The following DPH6 variants were observed in gnomAD, a reference collection of about 807,000 sequenced individuals.
DPH6 encodes the protein diphthine--ammonia ligase.
Under a neutral mutation model 38.2 loss-of-function variants are expected in DPH6, and 33 were observed. The observed-to-expected ratio is 0.86, with a 90% CI of 0.65 to 1.15. The LOEUF (loss-of-function observed/expected upper bound fraction) is 1.15. Among genes scored for constraint, DPH6 ranks in the 50% most tolerant of loss-of-function variants. DPH6 has a pLI of 0.00. For missense variants in DPH6, 325 were observed against 320.0 expected, an observed-to-expected ratio of 1.02 and a Z score of -0.12; for synonymous variants, 108 against 103.0, an observed-to-expected ratio of 1.05 and a Z score of -0.30.
At chr15:35,423,101 A>G (rs1282680183) in intron 5 of DPH6, among the ~76,000 whole-genome samples, 2 of 151,864 alleles carry the variant, frequency 1.3e-5, no homozygotes, top group African/African-American at 4.8e-5. Flanking sequence ...CGGATCATAC[A>G]GTAGTTACAT....
chr15:35,179,204 C>CAAAAAAAAAAAAAAAAAAAAA, the DPH6 span, among the ~76,000 whole-genome samples: 1 of 50,592 alleles, frequency 2.0e-5, no homozygotes, highest in Non-Finnish European at 3.9e-5. Context: ...ACAACTCTGT[C>CAAAAAAAAAAAAAAAAAAAAA]AAAAAAAAAA....
At chr15:35,304,459 G>C (rs1178970893) in intron 3 of DPH6, among the ~76,000 whole-genome samples, 1 of 152,052 alleles carries the variant, frequency 6.6e-6, no homozygotes, top group African/African-American at 2.4e-5. Flanking sequence ...ATTGCAAAGA[G>C]AAGTCCTAAG....
intron 3 of DPH6, among the ~76,000 whole-genome samples, chr15:35,255,307 C>T (rs1407475635): frequency 1.3e-5 from 2 of 152,136 alleles, no homozygotes; most frequent in East Asian, 3.9e-4. Flanking sequence ...TCAAATAGAC[C>T]TGCTGTTCTG....
chr15:35,339,098 G>A (rs1032590009), intron 3 of DPH6, among the ~76,000 whole-genome samples: 1 of 151,672 alleles, frequency 6.6e-6, no homozygotes, highest in African/African-American at 2.4e-5. Context: ...CGAGTTAATG[G>A]GTGCAGCACA....
At chr15:35,305,450 A>G (rs2052082754) in intron 3 of DPH6, among the ~76,000 whole-genome samples, 1 of 151,954 alleles carries the variant, frequency 6.6e-6, no homozygotes, top group South Asian at 2.1e-4. Context: ...TATTCCTGTG[A>G]TTCAAACCAC....
chr15:35,283,531 C>T (rs184244839), intron 3 of DPH6, among the ~76,000 whole-genome samples: 9 of 152,088 alleles, frequency 5.9e-5, no homozygotes, highest in African/African-American at 1.7e-4. Context: ...CTCCCGTCCT[C>T]ATGATCCGCC....
intron 3 of DPH6, among the ~76,000 whole-genome samples, chr15:35,364,520 C>T (rs1387306811): frequency 6.6e-6 from 1 of 151,998 alleles, no homozygotes; most frequent in Admixed American, 6.6e-5. Flanking sequence ...TTACTGTCAT[C>T]CTGGAAATTC....
Position 35,271,223 on chromosome 15 carries a change from T to A in DPH6, n.201-50641A>T, listed in dbSNP as rs150180009. 1.5e-4 allele frequency among the ~76,000 whole-genome samples: 23 copies of A among 151,840 alleles called. No homozygotes were observed. In the East Asian group the frequency reaches 4.3e-3, roughly 28 times the overall value. ...GACAGTTCCCATAGGAAAAGAAGGG[T>A]TAAATAAAAGGTCAATGGAGTTAAA... On this transcript the variant is annotated intron_variant and non_coding_transcript_variant, in intron 3 of 3. Transcript: ENST00000560386.
At chr15:35,337,259 G>C (rs2052380724) in intron 3 of DPH6, among the ~76,000 whole-genome samples, 2 of 152,100 alleles carry the variant, frequency 1.3e-5, no homozygotes, top group African/African-American at 4.8e-5. Flanking sequence ...ATTCTCTGAT[G>C]GTAGTTTGTA....
At chr15:35,181,112 A>T in the DPH6 span, among the ~76,000 whole-genome samples, 5 of 152,132 alleles carry the variant, frequency 3.3e-5, no homozygotes, top group Admixed American at 3.3e-4. Flanking sequence ...TAGGGCAGTC[A>T]CTTAACTTTT....
intron 3 of DPH6, among the ~76,000 whole-genome samples, chr15:35,309,787 T>C (rs981871165): frequency 5.3e-5 from 8 of 152,222 alleles, no homozygotes; most frequent in Non-Finnish European, 1.0e-4. Context: ...TAAAAAGACA[T>C]ATTTTTTGGT....
At chr15:35,412,486 C>T (rs910470019) in intron 5 of DPH6, among the ~76,000 whole-genome samples, 3 of 151,596 alleles carry the variant, frequency 2.0e-5, no homozygotes, top group African/African-American at 7.3e-5. Context: ...TTGGTGTTTA[C>T]CCAAGGTATT....
chr15:35,159,273 C>T, the DPH6 span, among the ~76,000 whole-genome samples: 2 of 152,194 alleles, frequency 1.3e-5, no homozygotes, highest in African/African-American at 4.8e-5. Context: ...CCATGTAAGA[C>T]CAACTCCTCT....
chr15:35,335,659 C>T (rs2052365630), intron 3 of DPH6, among the ~76,000 whole-genome samples: 3 of 152,042 alleles, frequency 2.0e-5, no homozygotes, highest in Admixed American at 2.0e-4. Flanking sequence ...AATGCTTTCC[C>T]CATTGCTTGT....
chr15:35,440,633 A>C (rs1264412508), intron 5 of DPH6, among the ~76,000 whole-genome samples: 4 of 152,152 alleles, frequency 2.6e-5, no homozygotes, highest in Non-Finnish European at 4.4e-5. Flanking sequence ...CTTCTTTAGA[A>C]GGGGGAATGA....
intron 3 of DPH6, among the ~76,000 whole-genome samples, chr15:35,493,582 T>C (rs1004823838): frequency 6.6e-6 from 1 of 152,164 alleles, no homozygotes; most frequent in South Asian, 2.1e-4. Flanking sequence ...TTTAAGAATC[T>C]TGAAGATTAG....
At chr15:35,313,096 G>A (rs2140829458) in intron 3 of DPH6, among the ~76,000 whole-genome samples, 1 of 152,134 alleles carries the variant, frequency 6.6e-6, no homozygotes, top group African/African-American at 2.4e-5. Context: ...ATCTGGGTAT[G>A]GTGGCAGGTG....
chr15:35,282,776 T>C, intron 3 of DPH6: 2 of 338,836 alleles, frequency 5.9e-6, no homozygotes, highest in South Asian at 6.6e-5. Context: ...TAGTCATCCC[T>C]TCCAAAAAAT....
At chr15:35,209,889 T>G in the DPH6 span, among the ~76,000 whole-genome samples, 1 of 152,192 alleles carries the variant, frequency 6.6e-6, no homozygotes, top group Non-Finnish European at 1.5e-5. Flanking sequence ...TAAATTGCTC[T>G]TTGGTAGGCT....
Sources: gnomAD v4.1 joint callset for allele counts (sites outside exome capture counted in the v4.1 genomes callset) on GRCh38, gnomAD v4.1.1 for gene constraint, MANE v1.5 for transcripts, NCBI Gene and HGNC (gene_info 2026-07-23, HGNC 2026-07-21) for gene names.